The following ARL1 variants were observed in gnomAD, a reference collection of about 807,000 sequenced individuals.
ARL1 encodes the protein ADP-ribosylation factor-like protein 1.
In ARL1, 17 loss-of-function variants were observed where a neutral mutation model predicts 30.1. That is an observed-to-expected ratio of 0.56 (90% CI 0.39 to 0.85). The LOEUF is 0.85. Ranked by LOEUF, ARL1 falls within the 40% of genes least tolerant of loss-of-function variation. The pLI is 0.00. For synonymous variants in ARL1, 58 were observed against 71.7 expected (o/e 0.81, Z 0.97); for missense variants, 102 against 212.6 (o/e 0.48, Z 3.24).
At chr12:101,396,167 G>A in intron 5 of ARL1, 1 of 614,274 alleles carries the variant, frequency 1.6e-6, no homozygotes, top group South Asian at 2.0e-5. Flanking sequence ...CAGGGAAAAG[G>A]CTAAAAATTG....
Position 101,396,352 on chromosome 12 carries a change from CA to C in ARL1, c.515+46del, listed in dbSNP as rs552404672. 117 of 1,609,540 alleles carry C rather than the reference CA, an allele frequency of 7.3e-5. No individual in the cohort carries two copies. The African/African-American group carries it at 1.5e-3, about 20-fold the overall frequency. The stretch of plus-strand genomic sequence containing the variant: ...AATTACACGTGGACGTGCATAGCTG[CA>C]AGCACACACAAATGCACAGATGGCT... On this transcript the variant is annotated intron_variant, in intron 5 of 5. Transcript: ENST00000261636.
chr12:101,401,376 T>C lies in ARL1; in HGVS notation c.225-203A>G, dbSNP rs1168692730. 1.2e-5 allele frequency: 5 copies of C among 401,568 alleles called. No homozygotes were observed. In the Admixed American group the frequency reaches 2.1e-4, roughly 17 times the overall value. The allele number at this position is 401,568 out of a possible 1,614,324, so 24.9% of individuals were successfully genotyped here. ...CATTGGCTGGGCACGGTGGCTCACATCTGTAATCCCAGCATTTTAGGAGGC... is the reference window on the plus strand; with the variant it reads ...CATTGGCTGGGCACGGTGGCTCACACCTGTAATCCCAGCATTTTAGGAGGC... On this transcript the variant is annotated intron_variant, in intron 3 of 5. Coordinates refer to ENST00000261636, the MANE Select transcript of ARL1 (RefSeq NM_001177.6).
chr12:101,400,964 G>A (rs899001824), intron 4 of ARL1, 98 bp downstream of exon 4: 1 of 774,202 alleles, frequency 1.3e-6, no homozygotes, highest in Non-Finnish European at 2.1e-6. Flanking sequence ...AATTTTAAAA[G>A]GATGGAGGGA....
In ARL1 at chr12:101,393,685, G is replaced by A. The variant is rs1871071367; in HGVS notation, c.*1955C>T. 6.6e-6 allele frequency: 1 copy of A among 152,144 alleles called. No homozygotes were observed. Among genetic ancestry groups the A allele is most frequent in the South Asian group, 2.1e-4 (1 of 4,822 alleles). The allele number at this position is 152,144 out of a possible 1,614,324, so 9.4% of individuals were successfully genotyped here. On this transcript the variant is annotated 3_prime_UTR_variant, in exon 6 of 6. Coordinates refer to ENST00000261636, the MANE Select transcript of ARL1 (RefSeq NM_001177.6). ...GGCTTAACCAAGTGCTGAACTTTGGGGCAACTTCATGCCCTAGGATTCAAG... is the reference window on the plus strand; with the variant it reads ...GGCTTAACCAAGTGCTGAACTTTGGAGCAACTTCATGCCCTAGGATTCAAG...
chr12:101,397,998 T>C (rs932316891), intron 4 of ARL1, among the ~76,000 whole-genome samples: 11 of 152,196 alleles, frequency 7.2e-5, no homozygotes, highest in African/African-American at 2.4e-4. Context: ...GAGTTTTGTT[T>C]ACATTAATAT....
rs543939192 is a variant in ARL1 at position 101,394,238 on chromosome 12, G to A, written c.*1402C>T. The A allele has an allele frequency of 3.3e-5, 5 of 152,306 alleles. No homozygotes were observed. The East Asian group carries it at 5.8e-4, about 18-fold the overall frequency. 9.4% of individuals were successfully genotyped at this position (152,306 alleles called of 1,614,324 possible). A position where few individuals can be genotyped will look rare whatever the true frequency, so the allele number is the denominator to read the frequency against. On this transcript the variant is annotated 3_prime_UTR_variant, in exon 6 of 6. Transcript: ENST00000261636. Reference sequence around the variant, plus strand: ...GAGGCCAACACTGGAAGGACAGTGAGGGCCAAGAAAGGAACTACTAATGTT... The same window carrying A: ...GAGGCCAACACTGGAAGGACAGTGAAGGCCAAGAAAGGAACTACTAATGTT...
In ARL1 at chr12:101,405,266, T is replaced by G. The variant is rs918705912; in HGVS notation, c.142+578A>C. On this transcript the variant is annotated intron_variant, in intron 2 of 5. Transcript: ENST00000261636. ...ATCAATATAATTACCTAAGATAAAC[T>G]AATCTTAATTAAAATAGTAACAAAT... Among the ~76,000 whole-genome samples the G allele has an allele frequency of 6.6e-5, 10 of 152,310 alleles. No homozygotes were observed. In the East Asian group the frequency reaches 9.6e-4, roughly 15 times the overall value.
chr12:101,406,212 A>T (rs969447412), intron 1 of ARL1, among the ~76,000 whole-genome samples: 11 of 152,336 alleles, frequency 7.2e-5, no homozygotes, highest in African/African-American at 2.6e-4. Context: ...CAGGCACAGA[A>T]GATAAACCAA....
In ARL1 at chr12:101,395,473, C is replaced by T; in HGVS notation, c.*167G>A. 3.5e-6 allele frequency: 2 copies of T among 566,088 alleles called. No homozygotes were observed. Among genetic ancestry groups the T allele is most frequent in the Non-Finnish European group, 6.3e-6 (2 of 318,584 alleles). The allele number at this position is 566,088 out of a possible 1,614,324, so 35.1% of individuals were successfully genotyped here. On this transcript the variant is annotated 3_prime_UTR_variant, in exon 6 of 6. Transcript: ENST00000261636. ...ATTCAGGTGATTCGATCAAATTATC[C>T]CTCCAACTAAATACTTATTTTCCCT...
At position 101,407,483 on chromosome 12, in the gene ARL1, T is replaced by A; in HGVS notation, c.4+159A>T. On this transcript the variant is annotated intron_variant, in intron 1 of 5. Coordinates refer to ENST00000261636, the MANE Select transcript of ARL1 (RefSeq NM_001177.6). ...GAACGCGAGAGGCCGGATCCACCCC[T>A]ACAGATGAAGATCCAAAGTGAGTCA... The A allele has an allele frequency of 5.4e-6, 5 of 932,104 alleles. No individual in the cohort carries two copies. In the South Asian group the frequency reaches 6.5e-5, roughly 12 times the overall value. 57.7% of individuals were successfully genotyped at this position (932,104 alleles called of 1,614,324 possible).
chr12:101,406,100 G>GCGTA, intron 1 of ARL1, 119 bp from the exon 2 acceptor site: 1 of 781,666 alleles, frequency 1.3e-6, no homozygotes. Flanking sequence ...TTTCCTGGAT[G>GCGTA]CGTAGGTGCA....
rs559996249 is a variant in ARL1, at chr12:101,398,795, T to A, written c.337-2218A>T. Among the ~76,000 whole-genome samples, 8 of 152,254 alleles carry A rather than the reference T, an allele frequency of 5.3e-5. No homozygotes were observed. The South Asian group carries it at 1.7e-3, about 32-fold the overall frequency. On this transcript the variant is annotated intron_variant, in intron 4 of 5. Transcript: ENST00000261636. ...ACTCGTACTTGGCCCATACTTAACA[T>A]AACATGATATTTATTGATGAATTAA...
Position 101,406,107 on chromosome 12 carries a change from T to C in ARL1, c.5-126A>G, listed in dbSNP as rs1378427986. ...TATTATAATTTCCTGGATGCGTAGG[T>C]GCATATTTTTCCTCCCAATGAAATA... On this transcript the variant is annotated intron_variant, in intron 1 of 5. Coordinates refer to ENST00000261636, the MANE Select transcript of ARL1 (RefSeq NM_001177.6). 5.5e-6 allele frequency: 4 copies of C among 732,504 alleles called. No individual in the cohort carries two copies. The East Asian group carries it at 1.1e-4, about 20-fold the overall frequency. The allele number at this position is 732,504 out of a possible 1,614,324, so 45.4% of individuals were successfully genotyped here.
intron 4 of ARL1, among the ~76,000 whole-genome samples, chr12:101,397,509 CTTTTT>C (rs1398125844): frequency 7.0e-6 from 1 of 142,954 alleles, no homozygotes; most frequent in Admixed American, 7.0e-5. Flanking sequence ...TTTTTTTTTT[CTTTTT>C]TTAAGACAGT....
rs891178400 is a variant in ARL1, at chr12:101,395,623, G to C, written c.*17C>G. The stretch of plus-strand genomic sequence containing the variant: ...AGGTGATGTAGTCTTCATTTCAGGG[G>C]AGAAGAATGGACTGAATTACTGTCT... On this transcript the variant is annotated 3_prime_UTR_variant, in exon 6 of 6. Transcript: ENST00000261636. The C allele has an allele frequency of 1.9e-6, 3 of 1,574,670 alleles. No homozygotes were observed. In the Admixed American group the frequency reaches 5.4e-5, roughly 28 times the overall value.
chr12:101,398,356 A>G (rs1871208813), intron 4 of ARL1, among the ~76,000 whole-genome samples: 1 of 151,308 alleles, frequency 6.6e-6, no homozygotes, highest in Admixed American at 6.6e-5. Flanking sequence ...AGATTGCACC[A>G]CTGCACTCCA....
At chr12:101,406,557 C>CACCA (rs1392849758) in intron 1 of ARL1, among the ~76,000 whole-genome samples, 6 of 152,188 alleles carry the variant, frequency 3.9e-5, no homozygotes, top group African/African-American at 1.4e-4. Context: ...GCTTCCTGTA[C>CACCA]ACCAAGTATT....
At chr12:101,401,861 G>A (rs1871314171) in intron 3 of ARL1, among the ~76,000 whole-genome samples, 3 of 151,828 alleles carry the variant, frequency 2.0e-5, no homozygotes, top group Admixed American at 1.3e-4. Context: ...CTTTTTAAAC[G>A]TGATTTTATT....
intron 3 of ARL1, among the ~76,000 whole-genome samples, chr12:101,402,435 C>T (rs1207824937): frequency 6.6e-6 from 1 of 152,226 alleles, no homozygotes; most frequent in African/African-American, 2.4e-5. Context: ...GATCCGCCCA[C>T]CTCGGCCTCC....
Sources: gnomAD v4.1 joint callset for allele counts (sites outside exome capture counted in the v4.1 genomes callset) on GRCh38, gnomAD v4.1.1 for gene constraint, MANE v1.5 for transcripts, NCBI Gene and HGNC (gene_info 2026-07-23, HGNC 2026-07-21) for gene names.